The following TTC28 variants were observed in gnomAD, a reference collection of about 807,000 sequenced individuals.
TTC28 encodes tetratricopeptide repeat protein 28.
Under a neutral mutation model 198.0 loss-of-function variants are expected in TTC28, and 61 were observed. The observed-to-expected ratio is 0.31, with a 90% CI of 0.25 to 0.38. TTC28 has a LOEUF of 0.38. TTC28 is among the 10% of genes least tolerant of loss of function. The pLI is 1.00. For synonymous variants in TTC28, 1,171 were observed against 1,297.8 expected (o/e 0.90, Z 2.10); for missense variants, 2,678 against 3,164.0 (o/e 0.85, Z 3.69).
At chr22:28,483,150 A>C (rs2048275569) in intron 2 of TTC28, among the ~76,000 whole-genome samples, 1 of 152,242 alleles carries the variant, frequency 6.6e-6, no homozygotes, top group African/African-American at 2.4e-5. Context: ...CAGTCAAGCA[A>C]GCATTTCTGA....
At chr22:28,483,545 T>C (rs976182443) in intron 2 of TTC28, among the ~76,000 whole-genome samples, 1 of 152,214 alleles carries the variant, frequency 6.6e-6, no homozygotes, top group African/African-American at 2.4e-5. Context: ...TTCTGAATGT[T>C]AATTCAGACT....
At chr22:27,989,306 G>A (rs542874026) in intron 21 of TTC28, among the ~76,000 whole-genome samples, 3 of 152,272 alleles carry the variant, frequency 2.0e-5, no homozygotes, top group Admixed American at 6.5e-5. Context: ...TTGAGTACCC[G>A]TTGACAGAGG....
At chr22:28,337,412 G>A (rs866637909) in intron 2 of TTC28, among the ~76,000 whole-genome samples, 2 of 152,044 alleles carry the variant, frequency 1.3e-5, no homozygotes, top group Admixed American at 6.6e-5. Context: ...TTTCTGTCTC[G>A]TTGATCTGTC....
At chr22:28,348,006 G>C (rs1046753405) in intron 2 of TTC28, among the ~76,000 whole-genome samples, 1 of 152,224 alleles carries the variant, frequency 6.6e-6, no homozygotes, top group African/African-American at 2.4e-5. Context: ...AGACTGGCTT[G>C]TTTCTTCTTT....
intron 13 of TTC28, among the ~76,000 whole-genome samples, chr22:28,027,503 A>T (rs1318852210): frequency 6.6e-6 from 1 of 152,246 alleles, no homozygotes; most frequent in Non-Finnish European, 1.5e-5. Flanking sequence ...TCATTGCCAA[A>T]TCAGTCCAGC....
chr22:28,347,595 A>C (rs371934948), intron 2 of TTC28, among the ~76,000 whole-genome samples: 2 of 152,098 alleles, frequency 1.3e-5, no homozygotes, highest in Admixed American at 1.3e-4. Context: ...CACCTGGCTG[A>C]GTGCAGTGGC....
intron 6 of TTC28, among the ~76,000 whole-genome samples, chr22:28,116,635 A>G (rs1942637552): frequency 6.6e-6 from 1 of 152,232 alleles, no homozygotes; most frequent in African/African-American, 2.4e-5. Flanking sequence ...TTAGCAATGC[A>G]GGGAATGTTA....
At chr22:27,990,232 G>A (rs1311454392) in intron 20 of TTC28, among the ~76,000 whole-genome samples, 2 of 152,228 alleles carry the variant, frequency 1.3e-5, no homozygotes, top group Non-Finnish European at 2.9e-5. Context: ...GTGGCCTCCT[G>A]GGGCCGGGGC....
At position 28,140,391 on chromosome 22, in the gene TTC28, A is replaced by G. The variant is rs57805146; in HGVS notation, c.1441+22701T>C. Among the ~76,000 whole-genome samples the G allele has an allele frequency of 4.6e-3, 700 of 152,252 alleles. 3 individuals carry two copies. Among genetic ancestry groups the G allele is most frequent in the African/African-American group, 0.016 (681 of 41,544 alleles). ...TAAGGTCCCAGTGGACTTTTTCTTT[A>G]AAGAAGCTTTTAATGTTACCAGGAA... On this transcript the variant is annotated intron_variant, in intron 6 of 22. Coordinates refer to ENST00000397906, the MANE Select transcript of TTC28 (RefSeq NM_001145418.2).
At chr22:28,207,224 GAAA>G (rs71194756) in intron 5 of TTC28, among the ~76,000 whole-genome samples, 1 of 125,588 alleles carries the variant, frequency 8.0e-6, no homozygotes. Flanking sequence ...TAAGCAGATG[GAAA>G]AAAAAAAAAA....
intron 13 of TTC28, among the ~76,000 whole-genome samples, chr22:28,026,140 A>G (rs1938823027): frequency 6.6e-6 from 1 of 152,116 alleles, no homozygotes; most frequent in South Asian, 2.1e-4. Context: ...TGGGAGCACT[A>G]CTGCCTCTCC....
chr22:28,363,620 C>T (rs544587499), intron 2 of TTC28, among the ~76,000 whole-genome samples: 188 of 152,288 alleles, frequency 1.2e-3, no homozygotes, highest in African/African-American at 4.5e-3. Context: ...CTGGAAAAGC[C>T]ACAGACACTC....
intron 5 of TTC28, among the ~76,000 whole-genome samples, chr22:28,192,912 C>A (rs1225443487): frequency 6.6e-6 from 1 of 152,126 alleles, no homozygotes; most frequent in African/African-American, 2.4e-5. Context: ...CAAGGCAGGC[C>A]AACATTCAAA....
chr22:28,125,052 T>G (rs1364131622), intron 6 of TTC28, among the ~76,000 whole-genome samples: 1 of 152,214 alleles, frequency 6.6e-6, no homozygotes, highest in East Asian at 1.9e-4. Flanking sequence ...TAATGATGAC[T>G]GAGTGTTACA....
intron 2 of TTC28, among the ~76,000 whole-genome samples, chr22:28,323,222 A>T (rs1323488325): frequency 6.6e-6 from 1 of 152,206 alleles, no homozygotes; most frequent in Admixed American, 6.5e-5. Context: ...GAAGATCTAC[A>T]AGCATCAAGA....
intron 5 of TTC28, among the ~76,000 whole-genome samples, chr22:28,227,769 G>C (rs990230011): frequency 6.6e-6 from 1 of 151,740 alleles, no homozygotes; most frequent in Non-Finnish European, 1.5e-5. Flanking sequence ...CTGCTAGTGG[G>C]AATGTAAAAT....
In TTC28 at chr22:28,473,514, C is replaced by T. The variant is rs530257394; in HGVS notation, c.381+156038G>A. ...TCCATGGCAACTACCTAGAAGTTGC[C>T]ACCTATTTTCTAGAAATTTCTGAAT... On this transcript the variant is annotated intron_variant, in intron 2 of 22. Transcript: ENST00000397906. Among the ~76,000 whole-genome samples, 3 of 152,262 alleles carry T rather than the reference C, an allele frequency of 2.0e-5. No individual in the cohort carries two copies. The East Asian group carries it at 5.8e-4, about 29-fold the overall frequency.
chr22:28,229,013 G>A (rs746888056), intron 5 of TTC28, among the ~76,000 whole-genome samples: 17 of 151,534 alleles, frequency 1.1e-4, no homozygotes, highest in East Asian at 5.9e-4. Flanking sequence ...AAAATTAGCC[G>A]GGCATGGTGG....
intron 2 of TTC28, among the ~76,000 whole-genome samples, chr22:28,336,653 G>A (rs1425364622): frequency 1.3e-5 from 2 of 151,578 alleles, no homozygotes; most frequent in Non-Finnish European, 1.5e-5. Flanking sequence ...TCATCTGATG[G>A]TACTTTGTAT....
Sources: allele counts gnomAD v4.1 joint callset (sites outside exome capture counted in the v4.1 genomes callset), GRCh38; gene constraint gnomAD v4.1.1; transcripts MANE v1.5; gene names NCBI Gene and HGNC (gene_info 2026-07-23, HGNC 2026-07-21).